AKAP17A: variants seen among roughly 807,000 people sequenced by gnomAD.
The protein encoded by AKAP17A is A-kinase anchor protein 17A.
AKAP17A carries 15 observed loss-of-function variants against 52.2 expected under a neutral mutation model. The ratio of observed to expected loss-of-function variants is 0.29; its 90% CI spans 0.19 to 0.44. The LOEUF is 0.44. AKAP17A is among the 20% of genes least tolerant of loss of function. AKAP17A has a pLI of 1.00. For missense variants in AKAP17A, 1,060 were observed against 1,007.0 expected, an observed-to-expected ratio of 1.05 and a Z score of -0.71; for synonymous variants, 514 against 424.7, an observed-to-expected ratio of 1.21 and a Z score of -2.58.
In AKAP17A at chrX:1,600,524, T is replaced by A. The variant is rs1284538321; in HGVS notation, c.1153-135T>A. On this transcript the variant is annotated intron_variant, in intron 4 of 4. Coordinates refer to ENST00000313871, the MANE Select transcript of AKAP17A (RefSeq NM_005088.3). ...CGCCGTAGGAGACGCCCCCCACCCC[T>A]GGGCTGGAGTCCAGCCAGGCCGCTG... 1.1e-5 allele frequency: 10 copies of A among 934,076 alleles called. No homozygotes were observed. The East Asian group carries it at 2.6e-4, about 25-fold the overall frequency. The allele number at this position is 934,076 out of a possible 1,614,324, so 57.9% of individuals were successfully genotyped here. A position where few individuals can be genotyped will look rare whatever the true frequency, so the allele number is the denominator to read the frequency against.
chrX:1,596,530 C>T (rs1932993103), intron 3 of AKAP17A, among the ~76,000 whole-genome samples: 1 of 127,652 alleles, frequency 7.8e-6, no homozygotes, highest in Admixed American at 7.6e-5. Context: ...GCGGAATCCT[C>T]CTCTTCCTCC....
intron 3 of AKAP17A, 44 bp from the exon 4 acceptor site, chrX:1,599,148 G>C (rs780061117): frequency 4.4e-6 from 7 of 1,599,380 alleles, no homozygotes; most frequent in African/African-American, 4.0e-5. Flanking sequence ...GTGGTGTGTT[G>C]GCTGCGGCGC....
rs1381124929 is a variant in AKAP17A, at chrX:1,593,470, C to T, written c.8C>T (p.Ala3Val). Reference protein sequence around the residue: MAAATIVHDTSEA... With the variant: MAVATIVHDTSEA... The stretch of plus-strand genomic sequence containing the variant: ...CCCAAGGTCCCGGAGGCTATGGCAG[C>T]GGCTACCATCGTGCACGACACGTCT... Residue 3 changes from alanine (A) to valine (V), a missense_variant, in exon 2 of 5, where the codon GCG becomes GTG. Coordinates refer to ENST00000313871, the MANE Select transcript of AKAP17A (RefSeq NM_005088.3). The T allele has an allele frequency of 3.1e-6, 5 of 1,611,576 alleles. No individual in the cohort carries two copies. Among genetic ancestry groups the T allele is most frequent in the East Asian group, 2.2e-5 (1 of 44,824 alleles).
intron 3 of AKAP17A, among the ~76,000 whole-genome samples, chrX:1,598,604 G>C (rs1196363818): frequency 3.9e-5 from 6 of 152,106 alleles, no homozygotes; most frequent in Non-Finnish European, 7.4e-5. Flanking sequence ...GACTCTCTCT[G>C]GGGACCGCGC....
chrX:1,600,045 C>A, intron 4 of AKAP17A: 1 of 759,328 alleles, frequency 1.3e-6, no homozygotes, highest in Non-Finnish European at 2.0e-6. Context: ...CTCCCCAGGA[C>A]AGACGTCCCC....
chrX:1,600,363 G>T, intron 4 of AKAP17A: 1 of 647,042 alleles, frequency 1.5e-6, no homozygotes. Context: ...GCTCCCGGCA[G>T]GGCTCGGCTC....
At position 1,600,315 on chromosome X, in the gene AKAP17A, G is replaced by A. The variant is rs1417008318; in HGVS notation, c.1153-344G>A. On this transcript the variant is annotated intron_variant, in intron 4 of 4. Transcript: ENST00000313871. ...AGCTCCCTGTTGCTGGCGGCCGCTTGTGACCTAACCGCAGGCGCCTGTGTG... is the reference window on the plus strand; with the variant it reads ...AGCTCCCTGTTGCTGGCGGCCGCTTATGACCTAACCGCAGGCGCCTGTGTG... 3.4e-5 allele frequency: 28 copies of A among 831,160 alleles called. No individual in the cohort carries two copies. The East Asian group carries it at 7.3e-4, about 22-fold the overall frequency. The allele number at this position is 831,160 out of a possible 1,614,324, so 51.5% of individuals were successfully genotyped here. A position where few individuals can be genotyped will look rare whatever the true frequency, so the allele number is the denominator to read the frequency against.
chrX:1,594,673 C>A (rs1241898139), intron 2 of AKAP17A, among the ~76,000 whole-genome samples: 1 of 151,044 alleles, frequency 6.6e-6, no homozygotes, highest in Non-Finnish European at 1.5e-5. Flanking sequence ...GACTGGAGTG[C>A]AGTGGCGCAA....
chrX:1,595,266 G>A (rs1195571444), intron 2 of AKAP17A, 118 bp from the exon 3 acceptor site: 18 of 1,326,732 alleles, frequency 1.4e-5, no homozygotes, highest in South Asian at 9.6e-5. Flanking sequence ...AGCGGTGAGC[G>A]GTGAGCGGGC....
In AKAP17A at chrX:1,602,311, G is replaced by T. The variant is rs1478508408; in HGVS notation, c.*717G>T. 2 of 152,100 alleles carry T rather than the reference G, an allele frequency of 1.3e-5. No homozygotes were observed. Among genetic ancestry groups the T allele is most frequent in the Non-Finnish European group, 2.9e-5 (2 of 68,024 alleles). The allele number at this position is 152,100 out of a possible 1,614,324, so 9.4% of individuals were successfully genotyped here. A position where few individuals can be genotyped will look rare whatever the true frequency, so the allele number is the denominator to read the frequency against. ...TTTCTAGTAAAGGTTAGTGTGTGTGGTTTTTTTAAGAAGCTGTTTTGCTAA... is the reference window on the plus strand; with the variant it reads ...TTTCTAGTAAAGGTTAGTGTGTGTGTTTTTTTTAAGAAGCTGTTTTGCTAA... On this transcript the variant is annotated 3_prime_UTR_variant, in exon 5 of 5. Coordinates refer to ENST00000313871, the MANE Select transcript of AKAP17A (RefSeq NM_005088.3).
At chrX:1,594,611 AT>A (rs1315771627) in intron 2 of AKAP17A, among the ~76,000 whole-genome samples, 3 of 150,358 alleles carry the variant, frequency 2.0e-5, no homozygotes, top group South Asian at 2.1e-4. Flanking sequence ...TATTTTTTTT[AT>A]TTTTTTTATT....
chrX:1,594,203 G>A lies in AKAP17A; in HGVS notation c.741G>A (p.Lys247=). The A allele has an allele frequency of 6.5e-7, 1 of 1,545,630 alleles. No individual in the cohort carries two copies. The highest frequency in any genetic ancestry group is 8.7e-7 in the Non-Finnish European group (1 of 1,144,112). ...TCATGTACAAGGGCGAGGACGGCAA[G>A]GCCGTGGCCTGCAACATCAAGGTGA... ...MKLMYKGEDG[K]AVACNIKVSF... is the part of the protein sequence containing the mutation. Residue 247 remains lysine, a synonymous_variant, in exon 2 of 5, where the codon AAG becomes AAA. Transcript: ENST00000313871.
At position 1,600,964 on chromosome X, in the gene AKAP17A, C is replaced by A; in HGVS notation, c.1458C>A (p.Pro486=). The A allele has an allele frequency of 6.3e-7, 1 of 1,589,256 alleles. No individual in the cohort carries two copies. Among genetic ancestry groups the A allele is most frequent in the East Asian group, 2.3e-5 (1 of 43,600 alleles). The change falls in exon 5 of 5, where the codon CCC becomes CCA. Residue 486 remains proline (P), a synonymous_variant. Transcript: ENST00000313871. ...SGCVSATTLH[P]LGGQPPAGAP... is the part of the protein sequence containing the mutation. ...GTGTGAGCGCCACCACGCTGCACCC[C>A]CTCGGGGGCCAGCCCCCGGCCGGTG...
rs1253385526 is a variant in AKAP17A at position 1,596,959 on chromosome X, C to T, written c.911+1427C>T. Among the ~76,000 whole-genome samples, 19 of 150,026 alleles carry T rather than the reference C, an allele frequency of 1.3e-4. 1 individual carries two copies. Among genetic ancestry groups the T allele is most frequent in the Non-Finnish European group, 1.8e-4 (12 of 67,448 alleles). On this transcript the variant is annotated intron_variant, in intron 3 of 4. Transcript: ENST00000313871. Reference sequence around the variant, plus strand: ...ACTCCTCTTCGTCCTCCGTCCCTCCCGCTGTGTCCTCTGACGACTTTGGTG... The same window carrying T: ...ACTCCTCTTCGTCCTCCGTCCCTCCTGCTGTGTCCTCTGACGACTTTGGTG...
Position 1,599,205 on chromosome X carries a change from C to T in AKAP17A, c.925C>T (p.Leu309=), listed in dbSNP as rs759152839. ...TGTTCCACACAGGAAACAAAAGGAG[C>T]TGGAAGAGCTGGAGCGAGAGAGGAA... is the stretch of plus-strand genomic sequence containing the variant. ...QRAEERKQKE[L]EELERERKRE... The change falls in exon 4 of 5, where the codon CTG becomes TTG. Residue 309 remains leucine, a synonymous_variant. Coordinates refer to ENST00000313871, the MANE Select transcript of AKAP17A (RefSeq NM_005088.3). The T allele has an allele frequency of 6.2e-7, 1 of 1,611,770 alleles. No homozygotes were observed. The highest frequency in any genetic ancestry group is 8.5e-7 in the Non-Finnish European group (1 of 1,179,764).
rs776593496 is a variant in AKAP17A at position 1,601,440 on chromosome X, G to A, written c.1934G>A (p.Arg645Gln). ...RRRSTSPDHTRSRRSHSKDRH... is the reference protein window; with the variant it reads ...RRRSTSPDHTQSRRSHSKDRH... Reference sequence around the variant, plus strand: ...CGCAGCACGAGCCCGGACCACACCCGGTCCCGGAGGTCCCACAGCAAAGAC... The same window carrying A: ...CGCAGCACGAGCCCGGACCACACCCAGTCCCGGAGGTCCCACAGCAAAGAC... Residue 645 changes from arginine to glutamine, a missense_variant, in exon 5 of 5, where the codon CGG (arginine) becomes CAG (glutamine). Physicochemically the swap from Arg to Gln is conservative, Grantham distance 43. This residue lies in a region of AKAP17A where 793 missense variants were observed against 629.9 expected (regional missense o/e 1.26). Transcript: ENST00000313871. 3.5e-5 allele frequency: 55 copies of A among 1,570,920 alleles called. No individual in the cohort carries two copies. The highest frequency in any genetic ancestry group is 2.1e-4 in the South Asian group (19 of 88,654).
At chrX:1,598,554 G>C (rs1375857278) in intron 3 of AKAP17A, among the ~76,000 whole-genome samples, 2 of 152,116 alleles carry the variant, frequency 1.3e-5, no homozygotes, top group Non-Finnish European at 2.9e-5. Context: ...GCTGCGGGGC[G>C]GGGGAGGCTG....
chrX:1,600,885 A>G lies in AKAP17A; in HGVS notation c.1379A>G (p.His460Arg). 6.3e-7 allele frequency: 1 copy of G among 1,580,602 alleles called. No individual in the cohort carries two copies. Among genetic ancestry groups the G allele is most frequent in the Non-Finnish European group, 8.6e-7 (1 of 1,167,622 alleles). The change falls in exon 5 of 5, where the codon CAC becomes CGC. Residue 460 changes from histidine (H) to arginine (R), a missense_variant. His to Arg is a conservative substitution (Grantham distance 29). Coordinates refer to ENST00000313871, the MANE Select transcript of AKAP17A (RefSeq NM_005088.3). ...SHTHDELGVA[H>R]ADLLQPVLDI... is the part of the protein sequence containing the mutation. ...ACACACGACGAGCTGGGCGTGGCAC[A>G]CGCCGACCTGCTGCAGCCCGTCCTG...
At position 1,601,591 on chromosome X, in the gene AKAP17A, GT is replaced by G; in HGVS notation, c.2086del (p.Ter696AsnfsTer56). The G allele has an allele frequency of 7.0e-7, 1 of 1,428,970 alleles. No individual in the cohort carries two copies. Among genetic ancestry groups the G allele is most frequent in the Non-Finnish European group, 9.1e-7 (1 of 1,098,948 alleles). 88.5% of individuals were successfully genotyped at this position (1,428,970 alleles called of 1,614,324 possible). On this transcript the variant is annotated frameshift_variant and stop_lost, in exon 5 of 5. Coordinates refer to ENST00000313871, the MANE Select transcript of AKAP17A (RefSeq NM_005088.3). LOFTEE classifies it high-confidence loss of function. Reference protein sequence around the residue: ...PSRHRSTWNR* With the variant: ...PSRHRSTWNRX Reference sequence around the variant, plus strand: ...GCAGGCACCGCAGTACCTGGAACAGGTAATGACGGGCACGGCCTCCCCACGG... The same window carrying G: ...GCAGGCACCGCAGTACCTGGAACAGGAATGACGGGCACGGCCTCCCCACGG...
Sources: allele counts gnomAD v4.1 joint callset (sites outside exome capture counted in the v4.1 genomes callset), GRCh38; gene constraint gnomAD v4.1.1; regional missense constraint gnomAD v4.1.1; transcripts MANE v1.5; gene names NCBI Gene and HGNC (gene_info 2026-07-23, HGNC 2026-07-21).